The following VASH1 variants were observed in gnomAD, a reference collection of about 807,000 sequenced individuals.
The protein encoded by VASH1 is vasohibin 1, also known as tubulinyl-Tyr carboxypeptidase 1.
Under a neutral mutation model 35.0 loss-of-function variants are expected in VASH1, and 16 were observed. The observed-to-expected ratio is 0.46, with a 90% CI of 0.31 to 0.70. The LOEUF is 0.70. Ranked by LOEUF, VASH1 falls within the 30% of genes least tolerant of loss-of-function variation. VASH1 has a pLI of 0.05. For synonymous variants in VASH1, 214 were observed against 200.9 expected (o/e 1.07, Z -0.55); for missense variants, 505 against 510.7 (o/e 0.99, Z 0.11).
Position 76,762,796 on chromosome 14 carries a change from C to A in VASH1, c.-26C>A. ...TTGTGAGCCAGTTGTTTTCCCGCCT[C>A]CACCACCCCCCTCGAAGATTTAGGG... On this transcript the variant is annotated 5_prime_UTR_variant, in exon 1 of 7. Transcript: ENST00000167106. The A allele has an allele frequency of 6.9e-7, 1 of 1,445,998 alleles. No individual in the cohort carries two copies. The highest frequency in any genetic ancestry group is 9.1e-7 in the Non-Finnish European group (1 of 1,097,702). The allele number at this position is 1,445,998 out of a possible 1,614,324, so 89.6% of individuals were successfully genotyped here.
chr14:76,762,698 A>G lies in VASH1; in HGVS notation c.-124A>G. On this transcript the variant is annotated 5_prime_UTR_variant, in exon 1 of 7. Coordinates refer to ENST00000167106, the MANE Select transcript of VASH1 (RefSeq NM_014909.5). ...AGTCGTATTTTATTGTACAGGAGCC[A>G]CGCCCTGATTTCTTAAAGGCGCCTT... The G allele has an allele frequency of 1.2e-6, 1 of 813,150 alleles. No individual in the cohort carries two copies. The highest frequency in any genetic ancestry group is 1.8e-6 in the Non-Finnish European group (1 of 553,848). The allele number at this position is 813,150 out of a possible 1,614,324, so 50.4% of individuals were successfully genotyped here.
rs1458077112 is a variant in VASH1 at position 76,779,356 on chromosome 14, T to G, written c.*338T>G. The G allele has an allele frequency of 5.7e-6, 4 of 702,082 alleles. No homozygotes were observed. The highest frequency in any genetic ancestry group is 1.0e-5 in the Non-Finnish European group (4 of 384,804). 43.5% of individuals were successfully genotyped at this position (702,082 alleles called of 1,614,324 possible). The stretch of plus-strand genomic sequence containing the variant: ...TGTCATGGGGCCAGGTGAGGGAAAC[T>G]GCTGGTTCTGCTGGTGCCTCTGCCC... On this transcript the variant is annotated 3_prime_UTR_variant, in exon 7 of 7. Coordinates refer to ENST00000167106, the MANE Select transcript of VASH1 (RefSeq NM_014909.5).
At chr14:76,771,090 T>TC in intron 2 of VASH1, 100 bp from the exon 3 acceptor site, 1 of 1,072,880 alleles carries the variant, frequency 9.3e-7, no homozygotes, top group Non-Finnish European at 1.3e-6. Context: ...TGCCCCCATC[T>TC]CCCCTCCAGG....
chr14:76,780,428 C>G lies in VASH1; in HGVS notation c.*1410C>G, dbSNP rs967766821. ...TGGAAGGGTAAACGGATGAGATGAC[C>G]ATTAAGGTTTTGTTTTACTGAGAGG... On this transcript the variant is annotated 3_prime_UTR_variant, in exon 7 of 7. Coordinates refer to ENST00000167106, the MANE Select transcript of VASH1 (RefSeq NM_014909.5). 1 of 152,188 alleles carries G rather than the reference C, an allele frequency of 6.6e-6. No individual in the cohort carries two copies. Among genetic ancestry groups the G allele is most frequent in the South Asian group, 2.1e-4 (1 of 4,824 alleles). The allele number at this position is 152,188 out of a possible 1,614,324, so 9.4% of individuals were successfully genotyped here.
At chr14:76,770,175 G>A (rs964987863) in intron 2 of VASH1, 124 bp downstream of exon 2, 28 of 881,640 alleles carry the variant, frequency 3.2e-5, no homozygotes, top group East Asian at 2.9e-4. Flanking sequence ...CACCATTCAC[G>A]TGACATCTCT....
chr14:76,773,152 C>T lies in VASH1; in HGVS notation c.471C>T (p.Ala157=). 4 of 1,613,946 alleles carry T rather than the reference C, an allele frequency of 2.5e-6. No individual in the cohort carries two copies. Among genetic ancestry groups the T allele is most frequent in the Non-Finnish European group, 3.4e-6 (4 of 1,179,904 alleles). ...TTTCCCACAGGCTGATGGACCTGGC[C>T]AAGGAAATGACCAAAGAGGCCCTGC... ...SRPLTGLMDL[A]KEMTKEALPI... The change falls in exon 4 of 7, where the codon GCC becomes GCT. Residue 157 remains alanine, a synonymous_variant. Coordinates refer to ENST00000167106, the MANE Select transcript of VASH1 (RefSeq NM_014909.5).
intron 2 of VASH1, 147 bp downstream of exon 2, chr14:76,770,198 G>A (rs1893754173): frequency 1.3e-6 from 1 of 745,002 alleles, no homozygotes; most frequent in South Asian, 1.8e-5. Flanking sequence ...GCTCCCTGGT[G>A]CTGTGGGACG....
chr14:76,767,574 G>A (rs1028800528), intron 1 of VASH1, among the ~76,000 whole-genome samples: 3 of 152,076 alleles, frequency 2.0e-5, no homozygotes, highest in Admixed American at 6.6e-5. Context: ...CCCCCTTACC[G>A]TGCCCCACTT....
In VASH1 at chr14:76,780,737, G is replaced by A. The variant is rs1033864232; in HGVS notation, c.*1719G>A. The A allele has an allele frequency of 6.6e-6, 1 of 152,172 alleles. No individual in the cohort carries two copies. The highest frequency in any genetic ancestry group is 6.5e-5 in the Admixed American group (1 of 15,282). 9.4% of individuals were successfully genotyped at this position (152,172 alleles called of 1,614,324 possible). The stretch of plus-strand genomic sequence containing the variant: ...ATGTGAAATAGGATTTTTAAATGCT[G>A]GTGATCACTTAAAAAAAACTTAAAA... On this transcript the variant is annotated 3_prime_UTR_variant, in exon 7 of 7. Transcript: ENST00000167106.
Position 76,773,224 on chromosome 14 carries a change from A to T in VASH1, c.530+13A>T, listed in dbSNP as rs2075772. ...TGATCCTGGGAATGTATCCTTCCTC[A>T]CCTGAAGGGGAGGGGTCCGGGCTTC... On this transcript the variant is annotated intron_variant, in intron 4 of 6. Coordinates refer to ENST00000167106, the MANE Select transcript of VASH1 (RefSeq NM_014909.5). The T allele has an allele frequency of 6.2e-7, 1 of 1,613,032 alleles. No homozygotes were observed.
At position 76,765,062 on chromosome 14, in the gene VASH1, C is replaced by T. The variant is rs146978552; in HGVS notation, c.309+1932C>T. Among the ~76,000 whole-genome samples, 110 of 152,254 alleles carry T rather than the reference C, an allele frequency of 7.2e-4. 2 individuals are homozygous for T. In the East Asian group the frequency reaches 0.018, roughly 25 times the overall value. ...TGGGTTTTGCTCAGATCATTTGTCCCGATGAGGCCAGAGTCACACCCTGCT... is the reference window on the plus strand; with the variant it reads ...TGGGTTTTGCTCAGATCATTTGTCCTGATGAGGCCAGAGTCACACCCTGCT... On this transcript the variant is annotated intron_variant, in intron 1 of 6. Transcript: ENST00000167106.
intron 4 of VASH1, among the ~76,000 whole-genome samples, chr14:76,775,347 CA>C (rs1405264769): frequency 1.3e-5 from 2 of 151,838 alleles, no homozygotes. Context: ...GCAGGTGGGG[CA>C]GAGGTGTAGG....
In VASH1 at chr14:76,779,397, G is replaced by T. The variant is rs754400669; in HGVS notation, c.*379G>T. 1 of 693,830 alleles carries T rather than the reference G, an allele frequency of 1.4e-6. No individual in the cohort carries two copies. Among genetic ancestry groups the T allele is most frequent in the South Asian group, 1.5e-5 (1 of 67,428 alleles). 43.0% of individuals were successfully genotyped at this position (693,830 alleles called of 1,614,324 possible). Reference sequence around the variant, plus strand: ...GCCTCTGCCCCTGGCTTCTCTCTGGGAGTTGGGTGCATCTTATCAGTGGGA... The same window carrying T: ...GCCTCTGCCCCTGGCTTCTCTCTGGTAGTTGGGTGCATCTTATCAGTGGGA... On this transcript the variant is annotated 3_prime_UTR_variant, in exon 7 of 7. Transcript: ENST00000167106.
At position 76,773,223 on chromosome 14, in the gene VASH1, C is replaced by A. The variant is rs763431907; in HGVS notation, c.530+12C>A. On this transcript the variant is annotated intron_variant, in intron 4 of 6. Coordinates refer to ENST00000167106, the MANE Select transcript of VASH1 (RefSeq NM_014909.5). ...GTGATCCTGGGAATGTATCCTTCCT[C>A]ACCTGAAGGGGAGGGGTCCGGGCTT... The A allele has an allele frequency of 1.9e-6, 3 of 1,613,906 alleles. No homozygotes were observed. The East Asian group carries it at 6.7e-5, about 36-fold the overall frequency.
Position 76,770,045 on chromosome 14 carries a change from A to C in VASH1, c.392A>C (p.Glu131Ala). Reference sequence around the variant, plus strand: ...GAAGCTGTGCAGCGCTACATCAGAGAGCTGCAGTATCCTCTCTGGTCAAGG... The same window carrying C: ...GAAGCTGTGCAGCGCTACATCAGAGCGCTGCAGTATCCTCTCTGGTCAAGG... ...RLEAVQRYIRELQYNHTGTQF... is the reference protein window; with the variant it reads ...RLEAVQRYIRALQYNHTGTQF... The change falls in exon 2 of 7, where the codon GAG (glutamate) becomes GCG (alanine). Residue 131 changes from glutamate (E) to alanine (A), a missense_variant. Glu to Ala is a moderately radical substitution (Grantham distance 107). Coordinates refer to ENST00000167106, the MANE Select transcript of VASH1 (RefSeq NM_014909.5). 2 of 1,613,478 alleles carry C rather than the reference A, an allele frequency of 1.2e-6. No individual in the cohort carries two copies. The highest frequency in any genetic ancestry group is 2.2e-5 in the East Asian group (1 of 44,860).
At chr14:76,769,231 G>A (rs1566683247) in intron 1 of VASH1, 11 of 1,241,768 alleles carry the variant, frequency 8.9e-6, no homozygotes, top group African/African-American at 1.5e-5. Context: ...GCTGGGTGCT[G>A]GAAAGTGCGT....
rs1421712714 is a variant in VASH1 at position 76,778,975 on chromosome 14, C to T, written c.1055C>T (p.Pro352Leu). 1.2e-6 allele frequency: 2 copies of T among 1,614,176 alleles called. No individual in the cohort carries two copies. Among genetic ancestry groups the T allele is most frequent in the Non-Finnish European group, 1.7e-6 (2 of 1,180,030 alleles). ...RPSGDKKTSE[P>L]KAMPDLNGYQ... ...TCGGGTGACAAGAAGACTTCCGAGCCCAAAGCCATGCCAGACCTTAACGGG... is the reference window on the plus strand; with the variant it reads ...TCGGGTGACAAGAAGACTTCCGAGCTCAAAGCCATGCCAGACCTTAACGGG... Residue 352 changes from proline (P) to leucine (L), a missense_variant, in exon 7 of 7, where the codon CCC (proline) becomes CTC (leucine). Physicochemically the swap from Pro to Leu is moderately conservative, Grantham distance 98 (BLOSUM62 -3). Transcript: ENST00000167106.
In VASH1 at chr14:76,780,803, G is replaced by A. The variant is rs557503083; in HGVS notation, c.*1785G>A. The A allele has an allele frequency of 2.6e-5, 4 of 152,360 alleles. No individual in the cohort carries two copies. The East Asian group carries it at 7.7e-4, about 29-fold the overall frequency. 9.4% of individuals were successfully genotyped at this position (152,360 alleles called of 1,614,324 possible). On this transcript the variant is annotated 3_prime_UTR_variant, in exon 7 of 7. Transcript: ENST00000167106. The stretch of plus-strand genomic sequence containing the variant: ...AAGAGGATGCCAGTTTGCAATCCCT[G>A]AAGTAGAGAGAGCTCGTGCTGGGGA...
chr14:76,763,111 G>T lies in VASH1; in HGVS notation c.290G>T (p.Gly97Val). ...DGEKVAQRIRGATDLPKIPIP... is the reference protein window; with the variant it reads ...DGEKVAQRIRVATDLPKIPIP... The stretch of plus-strand genomic sequence containing the variant: ...GAGAAGGTGGCGCAACGGATCCGTG[G>T]GGCCACAGACCTGCCCAAGGTGAGA... The change falls in exon 1 of 7, where the codon GGG becomes GTG. Residue 97 changes from glycine to valine, a missense_variant. By Grantham distance (109) the Gly-to-Val change is moderately radical. Transcript: ENST00000167106. The T allele has an allele frequency of 6.7e-7, 1 of 1,489,974 alleles. No individual in the cohort carries two copies. The highest frequency in any genetic ancestry group is 9.0e-7 in the Non-Finnish European group (1 of 1,113,464). The allele number at this position is 1,489,974 out of a possible 1,614,324, so 92.3% of individuals were successfully genotyped here.
Sources: gnomAD v4.1 joint callset for allele counts (sites outside exome capture counted in the v4.1 genomes callset) on GRCh38, gnomAD v4.1.1 for gene constraint, MANE v1.5 for transcripts, NCBI Gene and HGNC (gene_info 2026-07-23, HGNC 2026-07-21) for gene names.